The following SPAG16 variants were observed in gnomAD, a reference collection of about 807,000 sequenced individuals.
SPAG16 encodes the protein sperm-associated antigen 16 protein.
SPAG16 carries 86 observed loss-of-function variants against 80.4 expected under a neutral mutation model. That is an observed-to-expected ratio of 1.07 (90% CI 0.90 to 1.28). The LOEUF is 1.28. Ranked by LOEUF, SPAG16 falls within the 50% of genes most tolerant of loss-of-function variation. The pLI is 0.00. For synonymous variants in SPAG16, 294 were observed against 265.9 expected (o/e 1.11, Z -1.03); for missense variants, 870 against 765.3 (o/e 1.14, Z -1.61).
chr2:213,309,963 A>G (rs1283891092), intron 3 of SPAG16, 96 bp from the exon 4 acceptor site: 6 of 743,440 alleles, frequency 8.1e-6, no homozygotes, highest in Non-Finnish European at 1.3e-5. Flanking sequence ...TGTTGAAAAA[A>G]AATGAATGGA....
At chr2:213,311,044 C>T (rs1255888339) in intron 4 of SPAG16, among the ~76,000 whole-genome samples, 1 of 151,560 alleles carries the variant, frequency 6.6e-6, no homozygotes, top group Non-Finnish European at 1.5e-5. Flanking sequence ...TGGTTCTCAT[C>T]TTCTGAGAAC....
intron 12 of SPAG16, among the ~76,000 whole-genome samples, chr2:213,986,416 GT>G (rs1210231857): frequency 6.6e-6 from 1 of 151,618 alleles, no homozygotes; most frequent in Non-Finnish European, 1.5e-5. Flanking sequence ...ATAAATATTT[GT>G]TTAACATACA....
intron 7 of SPAG16, among the ~76,000 whole-genome samples, chr2:213,363,703 G>A (rs946279332): frequency 2.0e-5 from 3 of 151,914 alleles, no homozygotes; most frequent in Non-Finnish European, 1.5e-5. Context: ...TAATTACCTT[G>A]TATTTTATAA....
At chr2:213,955,768 T>A (rs1238355068) in intron 12 of SPAG16, among the ~76,000 whole-genome samples, 6 of 152,112 alleles carry the variant, frequency 3.9e-5, no homozygotes, top group African/African-American at 1.4e-4. Context: ...CACTATCCAA[T>A]ACATTGGCAT....
intron 12 of SPAG16, among the ~76,000 whole-genome samples, chr2:213,976,312 G>A (rs376777136): frequency 7.3e-5 from 11 of 149,930 alleles, no homozygotes; most frequent in East Asian, 4.0e-4. Context: ...ACATGTGTGC[G>A]CATATGTGTA....
At chr2:214,326,326 G>A (rs1696478224) in intron 15 of SPAG16, among the ~76,000 whole-genome samples, 1 of 152,194 alleles carries the variant, frequency 6.6e-6, no homozygotes, top group Non-Finnish European at 1.5e-5. Context: ...GATGGACGAG[G>A]CTAGGAATAG....
At chr2:213,665,604 G>A (rs1271485375) in intron 10 of SPAG16, among the ~76,000 whole-genome samples, 1 of 152,088 alleles carries the variant, frequency 6.6e-6, no homozygotes, top group Non-Finnish European at 1.5e-5. Context: ...ATTGCTTCTA[G>A]GAGAAATGAA....
intron 13 of SPAG16, among the ~76,000 whole-genome samples, chr2:214,081,521 C>T (rs539984434): frequency 6.6e-6 from 1 of 152,212 alleles, no homozygotes; most frequent in South Asian, 2.1e-4. Flanking sequence ...AAGACAGAGG[C>T]CGAGATTGTA....
chr2:213,653,874 TC>T (rs1434072153), intron 10 of SPAG16, among the ~76,000 whole-genome samples: 3 of 152,188 alleles, frequency 2.0e-5, no homozygotes, highest in Non-Finnish European at 4.4e-5. Context: ...AGTTACCATT[TC>T]TTTTCCATAC....
At chr2:213,358,074 G>A (rs1198324993) in intron 7 of SPAG16, among the ~76,000 whole-genome samples, 1 of 152,076 alleles carries the variant, frequency 6.6e-6, no homozygotes, top group Non-Finnish European at 1.5e-5. Flanking sequence ...TAAGAGTGTC[G>A]AATATTGGCC....
intron 9 of SPAG16, among the ~76,000 whole-genome samples, chr2:213,425,103 C>A (rs2069829332): frequency 7.0e-6 from 1 of 142,338 alleles, no homozygotes; most frequent in South Asian, 2.3e-4. Flanking sequence ...GTGGGCGGAT[C>A]ACGAGGTCAG....
At chr2:213,687,406 T>C (rs2064733646) in intron 10 of SPAG16, among the ~76,000 whole-genome samples, 1 of 152,220 alleles carries the variant, frequency 6.6e-6, no homozygotes, top group Admixed American at 6.5e-5. Flanking sequence ...ATGATTATCA[T>C]TTTACTAAAT....
At chr2:213,579,626 T>C (rs1324545573) in intron 10 of SPAG16, among the ~76,000 whole-genome samples, 3 of 152,150 alleles carry the variant, frequency 2.0e-5, no homozygotes, top group Non-Finnish European at 2.9e-5. Flanking sequence ...GTAATTCTCA[T>C]TTGTGTTTCA....
intron 15 of SPAG16, among the ~76,000 whole-genome samples, chr2:214,279,103 C>CTTTTTTT (rs35554459): frequency 7.8e-6 from 1 of 128,256 alleles, no homozygotes; most frequent in Non-Finnish European, 1.6e-5. Context: ...ATGAAACAAG[C>CTTTTTTT]TTTTTTTTTT....
chr2:214,051,335 A>G (rs2049632112), intron 13 of SPAG16, among the ~76,000 whole-genome samples: 1 of 152,218 alleles, frequency 6.6e-6, no homozygotes, highest in African/African-American at 2.4e-5. Flanking sequence ...AAATAAGAAG[A>G]CCAAAAGGAA....
chr2:213,305,858 A>G (rs1031362298), intron 3 of SPAG16, among the ~76,000 whole-genome samples: 3 of 152,214 alleles, frequency 2.0e-5, no homozygotes, highest in African/African-American at 7.2e-5. Flanking sequence ...CTGGCCTCAT[A>G]GAATGAGTTT....
At chr2:213,308,219 T>A (rs1220149343) in intron 3 of SPAG16, among the ~76,000 whole-genome samples, 2 of 152,326 alleles carry the variant, frequency 1.3e-5, no homozygotes, top group East Asian at 1.9e-4. Flanking sequence ...TTGGTATTTT[T>A]AAAAAACTAC....
intron 15 of SPAG16, among the ~76,000 whole-genome samples, chr2:214,358,364 T>G (rs1267379687): frequency 6.6e-6 from 1 of 151,938 alleles, no homozygotes; most frequent in Non-Finnish European, 1.5e-5. Flanking sequence ...AACGCCACCT[T>G]TAGTGATACC....
chr2:213,759,800 G>T (rs1403720726), intron 10 of SPAG16, among the ~76,000 whole-genome samples: 1 of 152,166 alleles, frequency 6.6e-6, no homozygotes. Context: ...GCTTTGGGAG[G>T]CCGAGGTGGG....
Sources: allele counts gnomAD v4.1 joint callset (sites outside exome capture counted in the v4.1 genomes callset), GRCh38; gene constraint gnomAD v4.1.1; transcripts MANE v1.5; gene names NCBI Gene and HGNC (gene_info 2026-07-23, HGNC 2026-07-21).